INTU: variants seen among roughly 807,000 people sequenced by gnomAD.
INTU encodes the protein inturned planar cell polarity protein.
In INTU, 68 loss-of-function variants were observed where a neutral mutation model predicts 100.5. That is an observed-to-expected ratio of 0.68 (90% CI 0.56 to 0.83). The LOEUF is 0.83. INTU is among the 40% of genes least tolerant of loss of function. The probability of loss-of-function intolerance (pLI) is 0.00; values close to 1 mark genes in which losing one functional copy is unlikely to be tolerated. For missense variants in INTU, 1,071 were observed against 1,114.7 expected (o/e 0.96, Z 0.56); for synonymous variants, 357 against 395.7 (o/e 0.90, Z 1.16).
intron 5 of INTU, among the ~76,000 whole-genome samples, chr4:127,672,706 A>G (rs13151291): frequency 0.44 from 67,487 of 151,818 alleles, 15,905 homozygotes; most frequent in South Asian, 0.65. Context: ...TTAGTATACT[A>G]TAAGAGGCTA....
At chr4:127,655,535 G>GGGGGTCAGGGGTCA (rs1728151573) in intron 2 of INTU, among the ~76,000 whole-genome samples, 1 of 151,014 alleles carries the variant, frequency 6.6e-6, no homozygotes, top group Non-Finnish European at 1.5e-5. Flanking sequence ...TAGGCTGCTC[G>GGGGGTCAGGGGTCA]GGGGTCAGGG....
chr4:127,707,481 T>C (rs1283824397), intron 12 of INTU, among the ~76,000 whole-genome samples: 1 of 143,444 alleles, frequency 7.0e-6, no homozygotes, highest in Admixed American at 7.1e-5. Flanking sequence ...TACTTAGAAA[T>C]AGGAAAACTT....
chr4:127,676,784 A>G (rs1729215988), intron 6 of INTU, among the ~76,000 whole-genome samples: 1 of 152,190 alleles, frequency 6.6e-6, no homozygotes, highest in Non-Finnish European at 1.5e-5. Context: ...CCTGAGCCGA[A>G]GCAGGGAGAG....
intron 1 of INTU, among the ~76,000 whole-genome samples, chr4:127,638,550 G>C (rs1727172912): frequency 6.6e-6 from 1 of 152,096 alleles, no homozygotes; most frequent in Non-Finnish European, 1.5e-5. Flanking sequence ...AAGATGTAGT[G>C]TTGACCTAGA....
At chr4:127,700,575 A>C (rs1730604877) in intron 9 of INTU, among the ~76,000 whole-genome samples, 1 of 152,148 alleles carries the variant, frequency 6.6e-6, no homozygotes, top group South Asian at 2.1e-4. Flanking sequence ...TGGGGCTGAA[A>C]ATGCACAAGA....
At chr4:127,657,455 G>T (rs529391396) in intron 3 of INTU, among the ~76,000 whole-genome samples, 1 of 152,176 alleles carries the variant, frequency 6.6e-6, no homozygotes, top group South Asian at 2.1e-4. Flanking sequence ...TAGAGCAGGG[G>T]TCCCCAAACC....
intron 14 of INTU, among the ~76,000 whole-genome samples, chr4:127,711,357 C>A (rs958396594): frequency 6.6e-6 from 1 of 152,130 alleles, no homozygotes; most frequent in Non-Finnish European, 1.5e-5. Context: ...AAAATACAGT[C>A]GTTTGTAATG....
intron 8 of INTU, among the ~76,000 whole-genome samples, chr4:127,696,350 GATTA>G (rs1176988762): frequency 6.6e-5 from 10 of 152,216 alleles, no homozygotes; most frequent in Non-Finnish European, 1.3e-4. Flanking sequence ...TTTGCAAGTT[GATTA>G]ATTATTGATT....
chr4:127,707,558 G>A (rs1218699202), intron 12 of INTU, among the ~76,000 whole-genome samples: 1 of 151,976 alleles, frequency 6.6e-6, no homozygotes, highest in Non-Finnish European at 1.5e-5. Flanking sequence ...CAAGCTGTGG[G>A]GCCTGTTGGG....
At chr4:127,670,112 T>G (rs1194018407) in intron 5 of INTU, among the ~76,000 whole-genome samples, 1 of 151,900 alleles carries the variant, frequency 6.6e-6, no homozygotes, top group Non-Finnish European at 1.5e-5. Flanking sequence ...CATAGTTAAT[T>G]TATGGGAGGA....
At chr4:127,657,727 G>C (rs1728298515) in intron 3 of INTU, among the ~76,000 whole-genome samples, 1 of 151,506 alleles carries the variant, frequency 6.6e-6, no homozygotes, top group Non-Finnish European at 1.5e-5. Context: ...CTGATGATTT[G>C]TCACTGTCTC....
intron 8 of INTU, among the ~76,000 whole-genome samples, chr4:127,698,462 CAAAA>C (rs767877808): frequency 3.7e-3 from 362 of 97,964 alleles, no homozygotes; most frequent in African/African-American, 0.014. Context: ...CACTCTGTCT[CAAAA>C]AAAAAAAAAA....
intron 8 of INTU, among the ~76,000 whole-genome samples, chr4:127,688,543 G>A (rs1336048952): frequency 1.3e-5 from 2 of 152,104 alleles, no homozygotes; most frequent in Admixed American, 1.3e-4. Flanking sequence ...CTCTGCTCTT[G>A]AAGAAACCTA....
chr4:127,707,596 A>G (rs1285030158), intron 12 of INTU, among the ~76,000 whole-genome samples: 1 of 151,818 alleles, frequency 6.6e-6, no homozygotes, highest in Non-Finnish European at 1.5e-5. Context: ...AGCCAATGAA[A>G]TATTCAGCAA....
chr4:127,678,927 AC>A (rs1433163398), intron 6 of INTU, among the ~76,000 whole-genome samples: 1 of 151,970 alleles, frequency 6.6e-6, no homozygotes, highest in African/African-American at 2.4e-5. Flanking sequence ...CAAATGGAAA[AC>A]AAAAAAAAGG....
intron 10 of INTU, among the ~76,000 whole-genome samples, chr4:127,705,075 G>GA (rs1177453441): frequency 6.6e-6 from 1 of 151,154 alleles, no homozygotes; most frequent in Non-Finnish European, 1.5e-5. Context: ...CTGGGTGACA[G>GA]AGACTCTGTC....
intron 14 of INTU, among the ~76,000 whole-genome samples, chr4:127,711,729 G>A (rs2148737095): frequency 6.6e-6 from 1 of 152,300 alleles, no homozygotes; most frequent in South Asian, 2.1e-4. Flanking sequence ...TCTAATGCCT[G>A]ATGATCTGAG....
chr4:127,680,839 A>G (rs1348384492), intron 6 of INTU, among the ~76,000 whole-genome samples: 1 of 151,948 alleles, frequency 6.6e-6, no homozygotes, highest in Non-Finnish European at 1.5e-5. Flanking sequence ...ACATAATTGT[A>G]TATCTAGAAA....
chr4:127,706,702 A>C lies in INTU; in HGVS notation c.2004A>C (p.Thr668=), dbSNP rs780580853. 1.9e-6 allele frequency: 3 copies of C among 1,614,122 alleles called. No homozygotes were observed. The highest frequency in any genetic ancestry group is 2.5e-6 in the Non-Finnish European group (3 of 1,179,986). The change falls in exon 12 of 16, where the codon ACA becomes ACC. Residue 668 remains threonine, a synonymous_variant. Coordinates refer to ENST00000335251, the MANE Select transcript of INTU (RefSeq NM_015693.4). ...DWFLTGSREK[T]DSLTTSPILS... Reference sequence around the variant, plus strand: ...TCCTTACTGGATCACGTGAAAAAACAGATAGCTTGACCACTTCGCCTATTC... The same window carrying C: ...TCCTTACTGGATCACGTGAAAAAACCGATAGCTTGACCACTTCGCCTATTC...
Sources: gnomAD v4.1 joint callset for allele counts (sites outside exome capture counted in the v4.1 genomes callset) on GRCh38, gnomAD v4.1.1 for gene constraint, MANE v1.5 for transcripts, NCBI Gene and HGNC (gene_info 2026-07-23, HGNC 2026-07-21) for gene names.